The following LLGL2 variants were observed in gnomAD, a reference collection of about 807,000 sequenced individuals.
LLGL2 encodes the protein LLGL2, scribble cell polarity complex component.
A neutral mutation model predicts 123.2 loss-of-function variants in LLGL2; 81 were observed. The ratio of observed to expected loss-of-function variants is 0.66; its 90% CI spans 0.55 to 0.79. LLGL2 has a LOEUF of 0.79. LLGL2 is among the 30% of genes least tolerant of loss of function. The pLI is 0.00. For missense variants in LLGL2, 1,273 were observed against 1,414.6 expected (o/e 0.90, Z 1.61); for synonymous variants, 577 against 594.1 (o/e 0.97, Z 0.42).
chr17:75,553,315 G>A (rs902891189), intron 2 of LLGL2, among the ~76,000 whole-genome samples: 6 of 152,182 alleles, frequency 3.9e-5, no homozygotes, highest in Non-Finnish European at 8.8e-5. Flanking sequence ...CCAGGCCTGA[G>A]GCACCCCCCG....
intron 10 of LLGL2, among the ~76,000 whole-genome samples, chr17:75,567,348 C>T (rs2055484933): frequency 6.6e-6 from 1 of 152,168 alleles, no homozygotes; most frequent in African/African-American, 2.4e-5. Context: ...CCTGTAATCC[C>T]AGCTACTCGA....
Position 75,558,574 on chromosome 17 carries a change from C to A in LLGL2, c.318C>A (p.Gly106=). ...ACCTTTGGAGCCTGAAGGTCAAGGGCGGGGCATCGGAGCTGCAGGAGGATG... is the reference window on the plus strand; with the variant it reads ...ACCTTTGGAGCCTGAAGGTCAAGGGAGGGGCATCGGAGCTGCAGGAGGATG... ...SLHLWSLKVK[G]GASELQEDES... Residue 106 remains glycine, a synonymous_variant, in exon 5 of 26, where the codon GGC becomes GGA. Transcript: ENST00000392550. The surrounding 1 kb of genome is among the most constrained non-coding windows in gnomAD (Gnocchi z 4.0). 1 of 1,611,598 alleles carries A rather than the reference C, an allele frequency of 6.2e-7. No homozygotes were observed. The highest frequency in any genetic ancestry group is 8.5e-7 in the Non-Finnish European group (1 of 1,179,108).
At chr17:75,574,817 G>A (rs2055900169) in intron 25 of LLGL2, 54 bp from the exon 26 acceptor site, 11 of 1,606,228 alleles carry the variant, frequency 6.8e-6, no homozygotes, top group Non-Finnish European at 8.5e-6. Context: ...GTGGGCGGCT[G>A]GGGCACCCCG....
intron 6 of LLGL2, among the ~76,000 whole-genome samples, chr17:75,560,241 C>T (rs2055139434): frequency 6.6e-6 from 1 of 152,226 alleles, no homozygotes; most frequent in Non-Finnish European, 1.5e-5. Context: ...AGACCTCTGC[C>T]TTTCCCGTTC....
Position 75,570,473 on chromosome 17 carries a change from G to A in LLGL2, c.2000G>A (p.Arg667Gln), listed in dbSNP as rs201137001. 539 of 1,583,770 alleles carry A rather than the reference G, an allele frequency of 3.4e-4. No homozygotes were observed. Among genetic ancestry groups the A allele is most frequent in the Middle Eastern group, 8.9e-4 (5 of 5,606 alleles). Residue 667 changes from arginine to glutamine, a missense_variant, in exon 16 of 26, where the codon CGG becomes CAG. Transcript: ENST00000392550. ...CGGAGCCGGGTGTCCAGCCGGAAGC[G>A]GCACCCGGCTGGCCCCCCAGGAGAG... ...MRRSRVSSRKRHPAGPPGEAQ... is the reference protein window; with the variant it reads ...MRRSRVSSRKQHPAGPPGEAQ...
intron 14 of LLGL2, among the ~76,000 whole-genome samples, chr17:75,569,757 T>G (rs1598628915): frequency 6.6e-6 from 1 of 150,646 alleles, no homozygotes; most frequent in Non-Finnish European, 1.5e-5. Context: ...GAGCCGAGAT[T>G]GTGCCACTGC....
chr17:75,536,730 T>C (rs1318042438), intron 1 of LLGL2, among the ~76,000 whole-genome samples: 1 of 152,200 alleles, frequency 6.6e-6, no homozygotes, highest in African/African-American at 2.4e-5. Flanking sequence ...TCCGAGTACA[T>C]TGTCAAATAT....
chr17:75,531,155 TTG>T (rs907327996), intron 1 of LLGL2, among the ~76,000 whole-genome samples: 6 of 152,098 alleles, frequency 3.9e-5, no homozygotes, highest in African/African-American at 1.4e-4. Context: ...AGGAATGCCA[TTG>T]TGCCCCCTTT....
At chr17:75,568,380 T>TGGAGATGCCCTGGCTCC in intron 10 of LLGL2, 96 bp from the exon 11 acceptor site, 9 of 1,485,574 alleles carry the variant, frequency 6.1e-6, no homozygotes, top group Non-Finnish European at 8.0e-6. Context: ...TTTCTGGATC[T>TGGAGATGCCCTGGCTCC]GCAGATGCCC....
At chr17:75,551,481 G>A (rs978347406) in intron 2 of LLGL2, among the ~76,000 whole-genome samples, 2 of 151,608 alleles carry the variant, frequency 1.3e-5, no homozygotes, top group African/African-American at 4.9e-5. Context: ...GGAAAAGAAG[G>A]TGGGGATGGG....
At chr17:75,531,272 C>T (rs1391352097) in intron 1 of LLGL2, among the ~76,000 whole-genome samples, 1 of 152,200 alleles carries the variant, frequency 6.6e-6, no homozygotes, top group South Asian at 2.1e-4. Flanking sequence ...GGCCCATGAG[C>T]CCCTGCCCGC....
rs1426241256 is a variant in LLGL2 at position 75,564,643 on chromosome 17, G to A, written c.1036+136G>A. ...TGTGGGAGGCCAAGGTGGTAGGATC[G>A]CTTGAACCCAGGAGTTCAAGTCCAG... is the stretch of plus-strand genomic sequence containing the variant. On this transcript the variant is annotated intron_variant, in intron 10 of 25. Coordinates refer to ENST00000392550, the MANE Select transcript of LLGL2 (RefSeq NM_001031803.2). This position sits in a 1 kb window ranked among gnomAD's most constrained non-coding sequence, Gnocchi z 4.9. The A allele has an allele frequency of 4.2e-6, 6 of 1,420,674 alleles. No individual in the cohort carries two copies. The highest frequency in any genetic ancestry group is 5.7e-6 in the Non-Finnish European group (6 of 1,056,542). The allele number at this position is 1,420,674 out of a possible 1,614,324, so 88.0% of individuals were successfully genotyped here.
At chr17:75,548,078 G>A (rs1045701555) in intron 2 of LLGL2, among the ~76,000 whole-genome samples, 3 of 152,110 alleles carry the variant, frequency 2.0e-5, no homozygotes, top group African/African-American at 7.2e-5. Flanking sequence ...GCTCACTGGA[G>A]CGTTTCAGAT....
At chr17:75,530,220 T>G (rs911603202) in intron 1 of LLGL2, among the ~76,000 whole-genome samples, 2 of 152,166 alleles carry the variant, frequency 1.3e-5, no homozygotes, top group South Asian at 4.1e-4. Flanking sequence ...TTAAAGTCTC[T>G]GGCTGGGCAT....
chr17:75,574,257 G>T lies in LLGL2; in HGVS notation c.2950G>T (p.Glu984Ter). Residue 984 changes from glutamate to a stop codon, truncating the protein, a stop_gained, in exon 23 of 26, where the codon GAG (glutamate) becomes TAG (stop). Coordinates refer to ENST00000392550, the MANE Select transcript of LLGL2 (RefSeq NM_001031803.2). LOFTEE classifies it high-confidence loss of function. ...GATGGAGCGCGCTCTGCTCAGTGATGAGAGTGAGTTGGGTGGGAGAGGGTG... is the reference window on the plus strand; with the variant it reads ...GATGGAGCGCGCTCTGCTCAGTGATTAGAGTGAGTTGGGTGGGAGAGGGTG... Reference protein sequence around the residue: ...LVMERALLSDERVLKEIQSTL... With the variant: ...LVMERALLSD 6.9e-7 allele frequency: 1 copy of T among 1,446,486 alleles called. No homozygotes were observed. The allele number at this position is 1,446,486 out of a possible 1,614,324, so 89.6% of individuals were successfully genotyped here. A position where few individuals can be genotyped will look rare whatever the true frequency, so the allele number is the denominator to read the frequency against.
intron 2 of LLGL2, among the ~76,000 whole-genome samples, chr17:75,555,294 T>C (rs1364961441): frequency 2.2e-5 from 1 of 45,586 alleles, no homozygotes; most frequent in Non-Finnish European, 7.6e-5. Flanking sequence ...TTTGTTCTTT[T>C]TTTTTTTTTT....
intron 1 of LLGL2, among the ~76,000 whole-genome samples, chr17:75,538,928 T>C (rs1195908822): frequency 6.6e-6 from 1 of 152,216 alleles, no homozygotes; most frequent in Non-Finnish European, 1.5e-5. Flanking sequence ...AGTCTCGCTC[T>C]GTGGCCCAGG....
Position 75,562,726 on chromosome 17 carries a change from G to A in LLGL2, c.531-290G>A, listed in dbSNP as rs902420645. ...TGGGGTTATAGCCATGTGCCACCACGCCCAGCTAATGTTTTATATTTTTAG... is the reference window on the plus strand; with the variant it reads ...TGGGGTTATAGCCATGTGCCACCACACCCAGCTAATGTTTTATATTTTTAG... On this transcript the variant is annotated intron_variant, in intron 6 of 25. Transcript: ENST00000392550. 10 of 392,916 alleles carry A rather than the reference G, an allele frequency of 2.5e-5. No individual in the cohort carries two copies. In the Admixed American group the frequency reaches 2.6e-4, roughly 10 times the overall value. The allele number at this position is 392,916 out of a possible 1,614,324, so 24.3% of individuals were successfully genotyped here.
At chr17:75,551,366 T>A (rs1198737901) in intron 2 of LLGL2, among the ~76,000 whole-genome samples, 1 of 151,732 alleles carries the variant, frequency 6.6e-6, no homozygotes, top group East Asian at 1.9e-4. Context: ...GAAATGAAGC[T>A]CAGGGAGGCC....
Sources: allele counts gnomAD v4.1 joint callset (sites outside exome capture counted in the v4.1 genomes callset), GRCh38; gene constraint gnomAD v4.1.1; non-coding constraint Gnocchi (gnomAD v3.1); transcripts MANE v1.5; gene names NCBI Gene and HGNC (gene_info 2026-07-23, HGNC 2026-07-21).